LMX1A: variants seen among roughly 807,000 people sequenced by gnomAD.
LMX1A encodes LIM homeobox transcription factor 1-alpha.
Under a neutral mutation model 49.1 loss-of-function variants are expected in LMX1A, and 15 were observed. The ratio of observed to expected loss-of-function variants is 0.31; its 90% CI spans 0.20 to 0.47. The LOEUF (loss-of-function observed/expected upper bound fraction) is 0.47. Among genes scored for constraint, LMX1A ranks in the 20% least tolerant of loss-of-function variants. The pLI, the probability that LMX1A is intolerant of heterozygous loss-of-function variation, is 1.00. For missense variants in LMX1A, 372 were observed against 475.8 expected, an observed-to-expected ratio of 0.78 and a Z score of 2.03; for synonymous variants, 167 against 185.7, an observed-to-expected ratio of 0.90 and a Z score of 0.82.
At chr1:165,342,435 A>G (rs1187190854) in intron 3 of LMX1A, among the ~76,000 whole-genome samples, 1 of 152,166 alleles carries the variant, frequency 6.6e-6, no homozygotes, top group African/African-American at 2.4e-5. Context: ...AAAGTCACCA[A>G]TAGCAAACCC....
At chr1:165,277,779 G>A (rs577459112) in intron 3 of LMX1A, among the ~76,000 whole-genome samples, 1 of 152,242 alleles carries the variant, frequency 6.6e-6, no homozygotes, top group East Asian at 1.9e-4. Context: ...AAGGAAGGTG[G>A]GGATCTGATG....
At chr1:165,237,920 T>A (rs1325694133) in intron 4 of LMX1A, among the ~76,000 whole-genome samples, 1 of 152,194 alleles carries the variant, frequency 6.6e-6, no homozygotes, top group Non-Finnish European at 1.5e-5. Flanking sequence ...ACCAGTGTCT[T>A]CCCTGCACCT....
chr1:165,227,018 C>A (rs1227122322), intron 4 of LMX1A, among the ~76,000 whole-genome samples: 1 of 152,100 alleles, frequency 6.6e-6, no homozygotes, highest in Non-Finnish European at 1.5e-5. Flanking sequence ...TTGGTAAAGA[C>A]CAAGATGCTG....
chr1:165,306,262 C>T (rs745340958), intron 3 of LMX1A, among the ~76,000 whole-genome samples: 1 of 152,342 alleles, frequency 6.6e-6, no homozygotes, highest in Non-Finnish European at 1.5e-5. Context: ...AGTCACTCTC[C>T]TGTTGCCCCT....
At position 165,293,122 on chromosome 1, in the gene LMX1A, A is replaced by C. The variant is rs190628193; in HGVS notation, c.264-43482T>G. On this transcript the variant is annotated intron_variant, in intron 3 of 8. Coordinates refer to ENST00000342310, the MANE Select transcript of LMX1A (RefSeq NM_177398.4). The stretch of plus-strand genomic sequence containing the variant: ...CAGAGAGAGACTCCATCTCAAAAAA[A>C]AAAACAAAACAAAACAAAACAAAAA... 1.9e-3 allele frequency among the ~76,000 whole-genome samples: 283 copies of C among 152,036 alleles called. 1 individual carries two copies. Among genetic ancestry groups the C allele is most frequent in the African/African-American group, 4.3e-3 (178 of 41,480 alleles).
chr1:165,306,251 T>C (rs1571213292), intron 3 of LMX1A, among the ~76,000 whole-genome samples: 1 of 152,238 alleles, frequency 6.6e-6, no homozygotes, highest in African/African-American at 2.4e-5. Context: ...ACTTAATAAA[T>C]AGTCACTCTC....
intron 3 of LMX1A, among the ~76,000 whole-genome samples, chr1:165,306,688 T>C (rs1654928201): frequency 1.3e-5 from 2 of 152,238 alleles, no homozygotes; most frequent in Admixed American, 1.3e-4. Context: ...TTCCCAAATG[T>C]AGTCAGCACA....
chr1:165,251,813 T>C (rs745524962), intron 3 of LMX1A, among the ~76,000 whole-genome samples: 9 of 151,988 alleles, frequency 5.9e-5, no homozygotes, highest in Non-Finnish European at 1.2e-4. Context: ...TGACTGCCCC[T>C]CCTTTGAATG....
At chr1:165,298,301 T>C (rs906627141) in intron 3 of LMX1A, among the ~76,000 whole-genome samples, 2 of 152,208 alleles carry the variant, frequency 1.3e-5, no homozygotes, top group African/African-American at 2.4e-5. Flanking sequence ...CTGAAATGAC[T>C]CTGGGGGCTC....
chr1:165,337,079 T>C (rs1459505489), intron 3 of LMX1A, among the ~76,000 whole-genome samples: 1 of 152,188 alleles, frequency 6.6e-6, no homozygotes, highest in Non-Finnish European at 1.5e-5. Context: ...TTTTGTTTAT[T>C]TTCTTTCTTT....
chr1:165,214,134 G>A (rs1330851782), intron 4 of LMX1A, among the ~76,000 whole-genome samples: 1 of 152,190 alleles, frequency 6.6e-6, no homozygotes, highest in African/African-American at 2.4e-5. Flanking sequence ...TAATCTCCAC[G>A]TGTTGATGGA....
intron 4 of LMX1A, among the ~76,000 whole-genome samples, chr1:165,229,646 G>A (rs903691190): frequency 6.6e-6 from 1 of 152,200 alleles, no homozygotes; most frequent in African/African-American, 2.4e-5. Context: ...CAAATGAAAG[G>A]AGAAAATATT....
intron 4 of LMX1A, among the ~76,000 whole-genome samples, chr1:165,217,245 A>G (rs188368564): frequency 6.6e-6 from 1 of 152,230 alleles, no homozygotes; most frequent in African/African-American, 2.4e-5. Context: ...GGAAAGTGCA[A>G]TTTCTGAAGT....
intron 3 of LMX1A, among the ~76,000 whole-genome samples, chr1:165,287,104 A>C (rs1654322926): frequency 6.6e-6 from 1 of 152,206 alleles, no homozygotes; most frequent in South Asian, 2.1e-4. Context: ...GAAACATGGG[A>C]GCTTCAAAGC....
At chr1:165,354,692 G>C (rs894130980) in intron 2 of LMX1A, among the ~76,000 whole-genome samples, 1 of 152,170 alleles carries the variant, frequency 6.6e-6, no homozygotes, top group Non-Finnish European at 1.5e-5. Flanking sequence ...GAGGCAAGAG[G>C]TTTAAAGGAC....
At chr1:165,281,544 A>G (rs966567795) in intron 3 of LMX1A, among the ~76,000 whole-genome samples, 1 of 152,248 alleles carries the variant, frequency 6.6e-6, no homozygotes, top group African/African-American at 2.4e-5. Flanking sequence ...CAGGATTTCT[A>G]GAGGTGAAGA....
rs1650947619 is a variant in LMX1A at position 165,203,791 on chromosome 1, C to T, written c.*89G>A. The T allele has an allele frequency of 1.5e-6, 2 of 1,317,672 alleles. No homozygotes were observed. Among genetic ancestry groups the T allele is most frequent in the Admixed American group, 1.9e-5 (1 of 52,716 alleles). The allele number at this position is 1,317,672 out of a possible 1,614,324, so 81.6% of individuals were successfully genotyped here. On this transcript the variant is annotated 3_prime_UTR_variant, in exon 9 of 9. Coordinates refer to ENST00000342310, the MANE Select transcript of LMX1A (RefSeq NM_177398.4). Reference sequence around the variant, plus strand: ...AAACTCCCTCCCCAACCCACCTCTTCCCTGGCCTCCCTGTCCTAAAGCCAG... The same window carrying T: ...AAACTCCCTCCCCAACCCACCTCTTTCCTGGCCTCCCTGTCCTAAAGCCAG...
intron 3 of LMX1A, among the ~76,000 whole-genome samples, chr1:165,341,275 A>G (rs1165112981): frequency 6.6e-6 from 1 of 152,132 alleles, no homozygotes; most frequent in Non-Finnish European, 1.5e-5. Flanking sequence ...TGACCACAGT[A>G]ACTAGCACAC....
chr1:165,317,084 A>G (rs1448535106), intron 3 of LMX1A, among the ~76,000 whole-genome samples: 1 of 152,194 alleles, frequency 6.6e-6, no homozygotes, highest in Non-Finnish European at 1.5e-5. Flanking sequence ...CATCATCACC[A>G]CAATACCCAG....
Sources: allele counts gnomAD v4.1 joint callset (sites outside exome capture counted in the v4.1 genomes callset), GRCh38; gene constraint gnomAD v4.1.1; transcripts MANE v1.5; gene names NCBI Gene and HGNC (gene_info 2026-07-23, HGNC 2026-07-21).